Variants in SNRNP40 observed in about 807,000 individuals in gnomAD.
SNRNP40 encodes the protein small nuclear ribonucleoprotein U5 subunit 40, also known as U5 small nuclear ribonucleoprotein 40 kDa protein.
In SNRNP40, 21 loss-of-function variants were observed where a neutral mutation model predicts 45.8. The ratio of observed to expected loss-of-function variants is 0.46; its 90% confidence interval spans 0.32 to 0.66. The LOEUF (loss-of-function observed/expected upper bound fraction) is 0.66. Among genes scored for constraint, SNRNP40 ranks in the 30% least tolerant of loss-of-function variants. The pLI is 0.03. For synonymous variants in SNRNP40, 142 were observed against 163.8 expected, an observed-to-expected ratio of 0.87 and a Z score of 1.01; for missense variants, 344 against 439.1, an observed-to-expected ratio of 0.78 and a Z score of 1.94.
At chr1:31,293,748 A>C (rs1646122713) in intron 1 of SNRNP40, among the ~76,000 whole-genome samples, 1 of 151,972 alleles carries the variant, frequency 6.6e-6, no homozygotes, top group Non-Finnish European at 1.5e-5. Context: ...TGCCATGCTA[A>C]TTTTTTTAGT....
chr1:31,288,983 G>A (rs1290651402), intron 4 of SNRNP40, among the ~76,000 whole-genome samples: 1 of 152,124 alleles, frequency 6.6e-6, no homozygotes, highest in Non-Finnish European at 1.5e-5. Context: ...CACCCGCCTC[G>A]GCCTCCCAAA....
intron 3 of SNRNP40, among the ~76,000 whole-genome samples, chr1:31,291,150 C>T (rs1397172006): frequency 6.6e-6 from 1 of 151,152 alleles, no homozygotes; most frequent in Non-Finnish European, 1.5e-5. Flanking sequence ...TAGCCAGGCA[C>T]GGTGATGCAT....
chr1:31,260,481 AC>A (rs1194900681), intron 9 of SNRNP40, among the ~76,000 whole-genome samples: 2 of 152,132 alleles, frequency 1.3e-5, no homozygotes, highest in Non-Finnish European at 2.9e-5. Context: ...GGAGAAAGTT[AC>A]AGTTTCTCCT....
intron 4 of SNRNP40, among the ~76,000 whole-genome samples, chr1:31,285,730 C>G (rs992054277): frequency 6.6e-6 from 1 of 152,180 alleles, no homozygotes; most frequent in Admixed American, 6.5e-5. Flanking sequence ...AATTTAGACT[C>G]CAGTCTGCAA....
At chr1:31,293,416 G>A (rs1646120745) in intron 1 of SNRNP40, 68 bp from the exon 2 acceptor site, 2 of 1,461,514 alleles carry the variant, frequency 1.4e-6, no homozygotes, top group Admixed American at 5.0e-5. Context: ...TTAGGGGGTG[G>A]GGAGTGGAGG....
intron 3 of SNRNP40, 140 bp from the exon 4 acceptor site, chr1:31,289,559 A>C (rs1300481156): frequency 1.4e-6 from 1 of 697,558 alleles, no homozygotes; most frequent in East Asian, 2.6e-5. Context: ...TGATGCTGGA[A>C]TGCCTCACCC....
At chr1:31,268,912 C>CTGG (rs1405940372) in intron 7 of SNRNP40, among the ~76,000 whole-genome samples, 3 of 152,160 alleles carry the variant, frequency 2.0e-5, no homozygotes, top group Non-Finnish European at 1.5e-5. Context: ...CTTGTTGAGG[C>CTGG]TGGTGTCAAG....
At chr1:31,296,456 A>G (rs914261592) in intron 1 of SNRNP40, among the ~76,000 whole-genome samples, 155 bp downstream of exon 1, 4 of 152,264 alleles carry the variant, frequency 2.6e-5, no homozygotes, top group African/African-American at 7.2e-5. Context: ...TTCGCAGGCT[A>G]TGGGGAGCTT....
rs1216285533 is a variant in SNRNP40 at position 31,259,647 on chromosome 1, A to G, written c.*425T>C. 2.5e-6 allele frequency: 1 copy of G among 406,174 alleles called. No individual in the cohort carries two copies. Among genetic ancestry groups the G allele is most frequent in the African/African-American group, 2.1e-5 (1 of 47,454 alleles). The allele number at this position is 406,174 out of a possible 1,614,324, so 25.2% of individuals were successfully genotyped here. ...ATAGCAATCAAGCCTCAAAAAAAAG[A>G]CAGCAATAAATCCAATCCACATGGC... On this transcript the variant is annotated 3_prime_UTR_variant, in exon 10 of 10. Transcript: ENST00000263694.
chr1:31,261,864 T>C (rs1645861428), intron 8 of SNRNP40: 1 of 362,782 alleles, frequency 2.8e-6, no homozygotes. Flanking sequence ...ATGACTGGCA[T>C]GTTTGAATAC....
At chr1:31,279,049 CA>C (rs140037725) in intron 5 of SNRNP40, among the ~76,000 whole-genome samples, 83,283 of 147,530 alleles carry the variant, frequency 0.56, 23,931 homozygotes, top group Non-Finnish European at 0.63. Flanking sequence ...ATACAAAAAA[CA>C]AAAAAAAAAA....
In SNRNP40 at chr1:31,281,382, C is replaced by G. The variant is rs778159758; in HGVS notation, c.646G>C (p.Asp216His). The G allele has an allele frequency of 6.3e-7, 1 of 1,593,846 alleles. No homozygotes were observed. The change falls in exon 5 of 10, where the codon GAT (aspartate) becomes CAT (histidine). Residue 216 changes from aspartate to histidine, a missense_variant. Physicochemically the swap from Asp to His is moderately conservative, Grantham distance 81. Coordinates refer to ENST00000263694, the MANE Select transcript of SNRNP40 (RefSeq NM_004814.3). The part of the protein sequence containing the change: ...DQIISGGIDN[D>H]IKVWDLRQNK... ...ATAAACATCAAACATACCTTGATAT[C>G]ATTGTCTATTCCACCAGAAATAATC... is the stretch of plus-strand genomic sequence containing the variant.
At chr1:31,261,750 C>A (rs1190303656) in intron 8 of SNRNP40, 118 bp from the exon 9 acceptor site, 2 of 629,656 alleles carry the variant, frequency 3.2e-6, no homozygotes, top group South Asian at 4.1e-5. Context: ...ATTTACTGAA[C>A]CATGTTCTGG....
chr1:31,267,811 C>G lies in SNRNP40; in HGVS notation c.920+60G>C. On this transcript the variant is annotated intron_variant, in intron 8 of 9. Transcript: ENST00000263694. Reference sequence around the variant, plus strand: ...CCTCCCAAAGTGCTGGGATTGCAGGCACGAGCCACCGCATCCGGCCAGCTA... The same window carrying G: ...CCTCCCAAAGTGCTGGGATTGCAGGGACGAGCCACCGCATCCGGCCAGCTA... 4 of 1,319,034 alleles carry G rather than the reference C, an allele frequency of 3.0e-6. No homozygotes were observed. The Admixed American group carries it at 5.1e-5, about 17-fold the overall frequency. 81.7% of individuals were successfully genotyped at this position (1,319,034 alleles called of 1,614,324 possible).
chr1:31,294,139 G>A (rs1316282800), intron 1 of SNRNP40, among the ~76,000 whole-genome samples: 1 of 151,862 alleles, frequency 6.6e-6, no homozygotes, highest in South Asian at 2.1e-4. Context: ...TGTATTTTTA[G>A]TAGAGATGGG....
At chr1:31,290,005 C>T (rs1015919677) in intron 3 of SNRNP40, among the ~76,000 whole-genome samples, 10 of 151,998 alleles carry the variant, frequency 6.6e-5, no homozygotes, top group Admixed American at 2.0e-4. Flanking sequence ...GACCACAGGT[C>T]TGTGCCACCA....
chr1:31,274,489 C>T (rs146213092), intron 5 of SNRNP40, among the ~76,000 whole-genome samples: 3,845 of 152,110 alleles, frequency 0.025, 140 homozygotes, highest in African/African-American at 0.087. Context: ...GATCCGCCCA[C>T]CTCAGCCTCC....
intron 6 of SNRNP40, 193 bp from the exon 7 acceptor site, chr1:31,269,433 C>T (rs557627366): frequency 6.1e-6 from 8 of 1,311,090 alleles, no homozygotes; most frequent in Admixed American, 3.7e-5. Context: ...ATCTAAATCC[C>T]AATAACTGGG....
intron 2 of SNRNP40, 80 bp from the exon 3 acceptor site, chr1:31,292,086 G>A: frequency 1.1e-6 from 1 of 876,408 alleles, no homozygotes; most frequent in East Asian, 2.6e-5. Context: ...TCTCAGGTCA[G>A]GCACGGTGGC....
Sources: allele counts gnomAD v4.1 joint callset (sites outside exome capture counted in the v4.1 genomes callset), GRCh38; gene constraint gnomAD v4.1.1; transcripts MANE v1.5; gene names NCBI Gene and HGNC (gene_info 2026-07-23, HGNC 2026-07-21).